UGGT2: variants seen among roughly 807,000 people sequenced by gnomAD.
UGGT2 encodes UDP-glucose glycoprotein glucosyltransferase 2.
Under a neutral mutation model 192.1 loss-of-function variants are expected in UGGT2, and 180 were observed. The observed-to-expected ratio is 0.94, with a 90% CI of 0.83 to 1.06. The LOEUF (loss-of-function observed/expected upper bound fraction) is 1.06. UGGT2 is among the 50% of genes least tolerant of loss of function. UGGT2 has a pLI of 0.00. For missense variants in UGGT2, 1,849 were observed against 1,795.7 expected, an observed-to-expected ratio of 1.03 and a Z score of -0.54; for synonymous variants, 580 against 591.0, an observed-to-expected ratio of 0.98 and a Z score of 0.27.
intron 11 of UGGT2, among the ~76,000 whole-genome samples, chr13:95,971,146 A>G (rs1417915512): frequency 6.6e-6 from 1 of 152,226 alleles, no homozygotes; most frequent in East Asian, 1.9e-4. Flanking sequence ...TCCACAACCC[A>G]GTAATGCAAT....
Position 95,867,431 on chromosome 13 carries a change from T to C in UGGT2, c.3474-8A>G. The C allele has an allele frequency of 1.3e-6, 2 of 1,596,304 alleles. No homozygotes were observed. The highest frequency in any genetic ancestry group is 1.7e-6 in the Non-Finnish European group (2 of 1,172,166). ...GAGTCAGTTCCTTCATGCCTAAAAG[T>C]AGAAAAATGTGTCCATAATTAATTT... On this transcript the variant is annotated splice_polypyrimidine_tract_variant and splice_region_variant and intron_variant, in intron 29 of 38. Transcript: ENST00000376747.
At chr13:96,024,293 G>A (rs1215730337) in intron 2 of UGGT2, among the ~76,000 whole-genome samples, 1 of 152,120 alleles carries the variant, frequency 6.6e-6, no homozygotes, top group Non-Finnish European at 1.5e-5. Flanking sequence ...AACCTGAGCT[G>A]CGAGTTGCCT....
chr13:95,922,964 C>A lies in UGGT2; in HGVS notation c.2295+2716G>T, dbSNP rs188479011. 1.7e-3 allele frequency among the ~76,000 whole-genome samples: 265 copies of A among 152,300 alleles called. 6 individuals are homozygous for A. The highest frequency in any genetic ancestry group is 0.017 in the Admixed American group (259 of 15,300). On this transcript the variant is annotated intron_variant, in intron 20 of 38. Coordinates refer to ENST00000376747, the MANE Select transcript of UGGT2 (RefSeq NM_020121.4). ...GTGATGTGACAGATCCTCTCAAAAA[C>A]TATGAAAATTAACAGCCATTTGGAA...
intron 20 of UGGT2, among the ~76,000 whole-genome samples, chr13:95,909,886 G>A (rs1356111897): frequency 6.7e-6 from 1 of 149,496 alleles, no homozygotes; most frequent in Non-Finnish European, 1.5e-5. Flanking sequence ...GACTAACAAC[G>A]GACCTCTCAG....
intron 27 of UGGT2, among the ~76,000 whole-genome samples, chr13:95,881,025 T>C (rs2047477115): frequency 6.6e-6 from 1 of 151,934 alleles, no homozygotes. Context: ...ATACAAAGAA[T>C]CAGCCGGGCG....
chr13:95,835,727 AG>A (rs1386666349), intron 37 of UGGT2, among the ~76,000 whole-genome samples: 1 of 152,222 alleles, frequency 6.6e-6, no homozygotes, highest in Admixed American at 6.5e-5. Flanking sequence ...ACAATATACT[AG>A]GAAAAAAACT....
At chr13:95,853,492 G>T (rs762720903) in intron 36 of UGGT2, 51 bp downstream of exon 36, 8 of 1,455,172 alleles carry the variant, frequency 5.5e-6, no homozygotes, top group South Asian at 1.2e-5. Flanking sequence ...CACGGAGTTG[G>T]AACAGTCTAT....
chr13:96,053,033 A>T (rs553685394), intron 1 of UGGT2, 122 bp downstream of exon 1: 52 of 1,314,092 alleles, frequency 4.0e-5, no homozygotes, highest in Middle Eastern at 2.7e-4. Context: ...GCTCAGGGCC[A>T]GAGCGGGGGC....
At chr13:95,864,021 C>T (rs1051571915) in intron 30 of UGGT2, among the ~76,000 whole-genome samples, 8 of 152,124 alleles carry the variant, frequency 5.3e-5, no homozygotes, top group South Asian at 2.1e-4. Context: ...AGAGTTTAGA[C>T]ATTATACACT....
intron 24 of UGGT2, among the ~76,000 whole-genome samples, chr13:95,893,035 A>G (rs1537030): frequency 0.37 from 55,549 of 152,022 alleles, 10,469 homozygotes; most frequent in Middle Eastern, 0.42. Context: ...ATGGAAGGGA[A>G]TAGGCTAATA....
intron 25 of UGGT2, 37 bp from the exon 26 acceptor site, chr13:95,888,008 A>AT: frequency 7.4e-7 from 1 of 1,345,662 alleles, no homozygotes; most frequent in African/African-American, 1.5e-5. Flanking sequence ...ATATTAAATA[A>AT]TATTAATAGC....
intron 29 of UGGT2, 153 bp downstream of exon 29, chr13:95,877,126 C>T (rs1163932457): frequency 3.0e-5 from 6 of 202,760 alleles, no homozygotes; most frequent in African/African-American, 1.1e-4. Flanking sequence ...TTGTGATCTG[C>T]CTGCCTCGGC....
At chr13:96,018,000 A>G (rs1363543577) in intron 4 of UGGT2, among the ~76,000 whole-genome samples, 2 of 152,348 alleles carry the variant, frequency 1.3e-5, no homozygotes, top group East Asian at 3.9e-4. Flanking sequence ...CAAACTAAAA[A>G]TAACTTTGTA....
At chr13:95,873,068 T>TCACA (rs1461692863) in intron 29 of UGGT2, among the ~76,000 whole-genome samples, 19 of 152,264 alleles carry the variant, frequency 1.2e-4, no homozygotes, top group Middle Eastern at 3.4e-3. Flanking sequence ...GGGATTTGCC[T>TCACA]CACAATTCAT....
At chr13:95,956,999 A>G (rs1175499863) in intron 12 of UGGT2, among the ~76,000 whole-genome samples, 1 of 152,258 alleles carries the variant, frequency 6.6e-6, no homozygotes, top group East Asian at 1.9e-4. Flanking sequence ...TCAGTCTTAA[A>G]AAGGAACAAA....
chr13:95,900,720 C>A, intron 22 of UGGT2, 87 bp downstream of exon 22: 1 of 1,388,574 alleles, frequency 7.2e-7, no homozygotes. Flanking sequence ...GTGTGTCAGT[C>A]ACATCAGGGG....
At chr13:95,865,956 G>A (rs924677222) in intron 30 of UGGT2, among the ~76,000 whole-genome samples, 3 of 152,132 alleles carry the variant, frequency 2.0e-5, no homozygotes, top group Non-Finnish European at 2.9e-5. Context: ...TAAGTAATCC[G>A]TCCAAGGTCA....
intron 2 of UGGT2, among the ~76,000 whole-genome samples, chr13:96,031,484 T>C (rs1490087094): frequency 6.6e-6 from 1 of 152,130 alleles, no homozygotes; most frequent in Non-Finnish European, 1.5e-5. Flanking sequence ...ATTTTATTTT[T>C]TTATTTTTCT....
At chr13:95,841,602 T>C (rs1887870708) in intron 36 of UGGT2, among the ~76,000 whole-genome samples, 1 of 152,222 alleles carries the variant, frequency 6.6e-6, no homozygotes, top group Non-Finnish European at 1.5e-5. Context: ...TTTTAGTATC[T>C]TGTCAGACAC....
Sources: gnomAD v4.1 joint callset for allele counts (sites outside exome capture counted in the v4.1 genomes callset) on GRCh38, gnomAD v4.1.1 for gene constraint, MANE v1.5 for transcripts, NCBI Gene and HGNC (gene_info 2026-07-23, HGNC 2026-07-21) for gene names.